The following UCK2 variants were observed in gnomAD, a reference collection of about 807,000 sequenced individuals.
UCK2 encodes the protein cytidine monophosphokinase 2.
UCK2 carries 6 observed loss-of-function variants against 30.8 expected under a neutral mutation model. The observed-to-expected ratio is 0.19, with a 90% CI of 0.11 to 0.38. The LOEUF (loss-of-function observed/expected upper bound fraction) is 0.38, where lower values mean the gene tolerates loss of function less well. Ranked by LOEUF, UCK2 falls within the 10% of genes least tolerant of loss-of-function variation. UCK2 has a pLI of 1.00. For missense variants in UCK2, 210 were observed against 339.8 expected (o/e 0.62, Z 3.00); for synonymous variants, 125 against 133.6 (o/e 0.94, Z 0.45).
At chr1:165,873,942 C>T (rs1571284490) in intron 1 of UCK2, among the ~76,000 whole-genome samples, 2 of 152,232 alleles carry the variant, frequency 1.3e-5, no homozygotes, top group Middle Eastern at 3.4e-3. Flanking sequence ...TCTTTCTTTC[C>T]AGTATCACTG....
chr1:165,907,033 A>G (rs1023152730), intron 6 of UCK2, among the ~76,000 whole-genome samples: 2 of 152,100 alleles, frequency 1.3e-5, no homozygotes, highest in African/African-American at 4.8e-5. Context: ...ATGGTCCTCA[A>G]TTTGGGTTTG....
intron 1 of UCK2, among the ~76,000 whole-genome samples, chr1:165,871,790 A>G (rs1655201848): frequency 6.6e-6 from 1 of 152,258 alleles, no homozygotes; most frequent in Non-Finnish European, 1.5e-5. Context: ...AAATCAGTTT[A>G]GGTTAATCAG....
intron 4 of UCK2, 85 bp from the exon 5 acceptor site, chr1:165,903,097 G>C (rs1015445529): frequency 7.1e-6 from 7 of 990,190 alleles, no homozygotes; most frequent in Non-Finnish European, 9.2e-6. Context: ...TGTGGAGCCT[G>C]TGGGAGCTAG....
chr1:165,895,686 C>G, intron 3 of UCK2: 1 of 979,494 alleles, frequency 1.0e-6, no homozygotes, highest in South Asian at 4.7e-5. Flanking sequence ...TTCCCTCCTT[C>G]CCTTCCCCTT....
intron 3 of UCK2, among the ~76,000 whole-genome samples, chr1:165,893,795 C>G (rs766041024): frequency 1.3e-5 from 2 of 152,130 alleles, no homozygotes; most frequent in African/African-American, 4.8e-5. Flanking sequence ...TTTAGACCTG[C>G]GTTTGGACTT....
intron 5 of UCK2, among the ~76,000 whole-genome samples, chr1:165,903,823 C>T (rs1309816599): frequency 6.6e-6 from 1 of 152,206 alleles, no homozygotes; most frequent in African/African-American, 2.4e-5. Context: ...CCAGTCCTTC[C>T]TGTGGCAGCT....
At chr1:165,848,175 T>C (rs1654497791) in intron 1 of UCK2, among the ~76,000 whole-genome samples, 2 of 152,220 alleles carry the variant, frequency 1.3e-5, no homozygotes, top group Admixed American at 1.3e-4. Context: ...TTATTGACTT[T>C]AGTTATGAGT....
intron 1 of UCK2, among the ~76,000 whole-genome samples, chr1:165,855,513 T>C (rs1654722695): frequency 6.7e-6 from 1 of 150,148 alleles, no homozygotes; most frequent in Admixed American, 6.6e-5. Context: ...TTCTTTTCTT[T>C]TTTTTTTTTT....
rs61491030 is a variant in UCK2, at chr1:165,850,927, A to AT, written c.99+23022dup. 2.7e-3 allele frequency among the ~76,000 whole-genome samples: 300 copies of AT among 109,920 alleles called. 7 individuals carry two copies. Among genetic ancestry groups the AT allele is most frequent in the African/African-American group, 9.1e-3 (268 of 29,430 alleles). 72.1% of individuals were successfully genotyped at this position (109,920 alleles called of 152,430 possible). ...GTGAGCCACCACGCCTGGCCTTTAA[A>AT]TTTTTTTTTTTTTTTTTTTTTTTTT... On this transcript the variant is annotated intron_variant, in intron 1 of 6. Coordinates refer to ENST00000367879, the MANE Select transcript of UCK2 (RefSeq NM_012474.5).
At chr1:165,882,987 G>A (rs543897097) in intron 1 of UCK2, among the ~76,000 whole-genome samples, 12 of 152,230 alleles carry the variant, frequency 7.9e-5, no homozygotes, top group African/African-American at 1.9e-4. Context: ...ACCACACCCA[G>A]CTAATTTTTT....
intron 1 of UCK2, among the ~76,000 whole-genome samples, chr1:165,875,647 G>A (rs1204925762): frequency 1.3e-5 from 2 of 152,146 alleles, no homozygotes; most frequent in African/African-American, 2.4e-5. Context: ...CCCTCTTAGG[G>A]TTTGATTAAT....
At chr1:165,891,554 C>T in intron 3 of UCK2, 1 of 466,516 alleles carries the variant, frequency 2.1e-6, no homozygotes, top group Non-Finnish European at 3.9e-6. Context: ...TGTCACGATT[C>T]CTTAACTCTG....
chr1:165,830,328 TTA>T (rs1361872355), intron 1 of UCK2, among the ~76,000 whole-genome samples: 2 of 85,880 alleles, frequency 2.3e-5, no homozygotes, highest in African/African-American at 7.3e-5. Context: ...ATTTTTTTTA[TTA>T]TTTTTTTTTT....
chr1:165,841,538 C>T (rs1006416855), intron 1 of UCK2, among the ~76,000 whole-genome samples: 1 of 152,184 alleles, frequency 6.6e-6, no homozygotes, highest in African/African-American at 2.4e-5. Context: ...AGCTTCCACC[C>T]CTTCCTGCTC....
At chr1:165,836,262 T>G (rs190981983) in intron 1 of UCK2, among the ~76,000 whole-genome samples, 2 of 151,068 alleles carry the variant, frequency 1.3e-5, no homozygotes, top group Non-Finnish European at 1.5e-5. Context: ...AACAACCAAA[T>G]GGATATGTTA....
chr1:165,868,267 C>T (rs1157706598), intron 1 of UCK2, among the ~76,000 whole-genome samples: 2 of 152,126 alleles, frequency 1.3e-5, no homozygotes, highest in African/African-American at 2.4e-5. Flanking sequence ...CATACAAGGG[C>T]CTTAGGATTT....
At chr1:165,849,170 T>C (rs1654529702) in intron 1 of UCK2, among the ~76,000 whole-genome samples, 1 of 152,108 alleles carries the variant, frequency 6.6e-6, no homozygotes, top group South Asian at 2.1e-4. Context: ...AATTGGAATG[T>C]CAGTATTGAT....
At chr1:165,905,460 GGT>G (rs1208688469) in intron 5 of UCK2, among the ~76,000 whole-genome samples, 2 of 152,030 alleles carry the variant, frequency 1.3e-5, no homozygotes, top group Non-Finnish European at 2.9e-5. Context: ...CTCCAGCCTG[GGT>G]GACAGAGTGA....
intron 1 of UCK2, among the ~76,000 whole-genome samples, chr1:165,840,215 G>A (rs919161528): frequency 3.9e-5 from 6 of 152,200 alleles, no homozygotes; most frequent in Non-Finnish European, 7.3e-5. Context: ...CACTGTGCCC[G>A]GCCTGGTCAG....
Sources: gnomAD v4.1 joint callset for allele counts (sites outside exome capture counted in the v4.1 genomes callset) on GRCh38, gnomAD v4.1.1 for gene constraint, MANE v1.5 for transcripts, NCBI Gene and HGNC (gene_info 2026-07-23, HGNC 2026-07-21) for gene names.